Variants in ATP6V0D2 observed in about 807,000 individuals in gnomAD.
The protein encoded by ATP6V0D2 is V-type proton ATPase subunit d 2.
A neutral mutation model predicts 40.0 loss-of-function variants in ATP6V0D2; 40 were observed. That is an observed-to-expected ratio of 1.00 (90% CI 0.78 to 1.30). The LOEUF is 1.30. Among genes scored for constraint, ATP6V0D2 ranks in the 50% most tolerant of loss-of-function variants. The pLI, the probability that ATP6V0D2 is intolerant of heterozygous loss-of-function variation, is 0.00. For missense variants in ATP6V0D2, 470 were observed against 423.1 expected (o/e 1.11, Z -0.97); for synonymous variants, 179 against 156.3 (o/e 1.15, Z -1.08).
intron 1 of ATP6V0D2, among the ~76,000 whole-genome samples, chr8:86,103,971 G>C (rs60178903): frequency 6.6e-6 from 1 of 151,866 alleles, no homozygotes; most frequent in African/African-American, 2.4e-5. Flanking sequence ...GACTACAGGC[G>C]TGCACCACCA....
At position 86,113,855 on chromosome 8, in the gene ATP6V0D2, C is replaced by G. The variant is rs1225025421; in HGVS notation, c.277C>G (p.Leu93Val). The G allele has an allele frequency of 1.2e-6, 2 of 1,613,666 alleles. No homozygotes were observed. The highest frequency in any genetic ancestry group is 1.7e-6 in the Non-Finnish European group (2 of 1,179,828). Residue 93 changes from leucine (L) to valine (V), a missense_variant, in exon 2 of 8, where the codon CTC (leucine) becomes GTC (valine). By Grantham distance (32) the Leu-to-Val change is conservative (BLOSUM62 1). Transcript: ENST00000285393. ...TTTCCGGAATCATTCCCTGGAGCCC[C>G]TCAGCACATTTCTCACCTATATGAC... is the stretch of plus-strand genomic sequence containing the variant. ...EYFRNHSLEP[L>V]STFLTYMTCS... is the part of the protein sequence containing the mutation.
intron 2 of ATP6V0D2, among the ~76,000 whole-genome samples, chr8:86,135,294 G>A (rs1300071778): frequency 6.6e-6 from 1 of 152,200 alleles, no homozygotes; most frequent in Non-Finnish European, 1.5e-5. Flanking sequence ...GAATGTGGTA[G>A]TTATCATACA....
At chr8:86,138,919 A>C (rs1293367741) in intron 2 of ATP6V0D2, among the ~76,000 whole-genome samples, 2 of 152,188 alleles carry the variant, frequency 1.3e-5, no homozygotes, top group Admixed American at 6.5e-5. Flanking sequence ...AGTTGTTAGA[A>C]TATTGAATAT....
intron 5 of ATP6V0D2, among the ~76,000 whole-genome samples, chr8:86,145,349 AGAAGGAAG>A (rs376086337): frequency 0.01 from 845 of 83,930 alleles, 38 homozygotes; most frequent in African/African-American, 0.042. Flanking sequence ...AAAGAAGGAA[AGAAGGAAG>A]GAAGGAAGGA....
At position 86,099,802 on chromosome 8, in the gene ATP6V0D2, T is replaced by C. The variant is rs142622035; in HGVS notation, c.130+694T>C. On this transcript the variant is annotated intron_variant, in intron 1 of 7. Coordinates refer to ENST00000285393, the MANE Select transcript of ATP6V0D2 (RefSeq NM_152565.1). ...AGCCATCATGCCTGCCAGATTCTTA[T>C]ACATTTTAAAGACATTTTGACAACT... Among the ~76,000 whole-genome samples the C allele has an allele frequency of 2.2e-3, 339 of 152,330 alleles. 7 individuals carry two copies. The East Asian group carries it at 0.042, about 19-fold the overall frequency.
At chr8:86,106,120 T>A (rs534271052) in intron 1 of ATP6V0D2, among the ~76,000 whole-genome samples, 39 of 152,144 alleles carry the variant, frequency 2.6e-4, no homozygotes, top group African/African-American at 3.9e-4. Flanking sequence ...GCTTTTTTTT[T>A]TTATTTTTAT....
chr8:86,116,266 T>A (rs1286844970), intron 2 of ATP6V0D2, among the ~76,000 whole-genome samples: 2 of 152,224 alleles, frequency 1.3e-5, no homozygotes, highest in African/African-American at 4.8e-5. Context: ...TGTCTATTGC[T>A]ACACACTCTC....
In ATP6V0D2 at chr8:86,126,675, A is replaced by G. The variant is rs551219870; in HGVS notation, c.303-12782A>G. ...GATAAATATAAATACAGAAATTTAG[A>G]AAGAAAAAAGATATCACCTCTAGCT... is the stretch of plus-strand genomic sequence containing the variant. On this transcript the variant is annotated intron_variant, in intron 2 of 7. Transcript: ENST00000285393. 5.9e-5 allele frequency among the ~76,000 whole-genome samples: 9 copies of G among 152,288 alleles called. No homozygotes were observed. In the South Asian group the frequency reaches 1.5e-3, roughly 25 times the overall value.
intron 2 of ATP6V0D2, among the ~76,000 whole-genome samples, chr8:86,137,563 G>A (rs1258391359): frequency 6.6e-6 from 1 of 152,078 alleles, no homozygotes; most frequent in Admixed American, 6.6e-5. Context: ...ACACTTCTTA[G>A]GCTTACTTGA....
chr8:86,147,367 A>G (rs187133426), intron 5 of ATP6V0D2, among the ~76,000 whole-genome samples: 209 of 152,290 alleles, frequency 1.4e-3, no homozygotes, highest in Non-Finnish European at 1.2e-3. Context: ...AACAAAAAAA[A>G]TAAGGTCTAG....
At chr8:86,103,823 T>C (rs1340463552) in intron 1 of ATP6V0D2, among the ~76,000 whole-genome samples, 2 of 152,068 alleles carry the variant, frequency 1.3e-5, no homozygotes, top group Non-Finnish European at 2.9e-5. Flanking sequence ...TTATGTGGCA[T>C]AGTTTTTTGT....
rs576035575 is a variant in ATP6V0D2 at position 86,104,066 on chromosome 8, G to A, written c.130+4958G>A. Among the ~76,000 whole-genome samples, 3 of 152,084 alleles carry A rather than the reference G, an allele frequency of 2.0e-5. No individual in the cohort carries two copies. In the South Asian group the frequency reaches 6.2e-4, roughly 32 times the overall value. On this transcript the variant is annotated intron_variant, in intron 1 of 7. Coordinates refer to ENST00000285393, the MANE Select transcript of ATP6V0D2 (RefSeq NM_152565.1). ...AGGTCTCAAACTCCTAACCTCAAGT[G>A]ATCCACCCACCTCAGCCTCCCAAAG...
chr8:86,102,263 C>T (rs1173641537), intron 1 of ATP6V0D2, among the ~76,000 whole-genome samples: 4 of 152,178 alleles, frequency 2.6e-5, no homozygotes, highest in African/African-American at 9.7e-5. Flanking sequence ...AGCAGTTCAA[C>T]TGTTGCATCT....
intron 1 of ATP6V0D2, among the ~76,000 whole-genome samples, chr8:86,103,639 G>T (rs887858646): frequency 6.6e-5 from 10 of 152,018 alleles, no homozygotes; most frequent in African/African-American, 2.2e-4. Context: ...TAGAGTCCCT[G>T]CCCTAAAAAG....
rs768874249 is a variant in ATP6V0D2, at chr8:86,121,838, G to A, written c.302+7958G>A. Among the ~76,000 whole-genome samples the A allele has an allele frequency of 4.9e-4, 74 of 152,182 alleles. 1 individual carries two copies. Among genetic ancestry groups the A allele is most frequent in the Admixed American group, 3.3e-3 (51 of 15,272 alleles). ...ATGCCCGAGACAACGTTATACAAAT[G>A]ATTAAATCTGTTTTATTAGAGACAG... is the stretch of plus-strand genomic sequence containing the variant. On this transcript the variant is annotated intron_variant, in intron 2 of 7. Transcript: ENST00000285393.
chr8:86,120,210 AC>A (rs1818650610), intron 2 of ATP6V0D2, among the ~76,000 whole-genome samples: 3 of 152,142 alleles, frequency 2.0e-5, no homozygotes, highest in Non-Finnish European at 4.4e-5. Context: ...AGCCTGGTGA[AC>A]ATAGTGACAC....
intron 2 of ATP6V0D2, among the ~76,000 whole-genome samples, chr8:86,123,178 T>G (rs75982262): frequency 0.012 from 1,789 of 152,290 alleles, 17 homozygotes; most frequent in Middle Eastern, 0.017. Flanking sequence ...GGAGAGTACC[T>G]GTTCTTAGGA....
rs1315590263 is a variant in ATP6V0D2, at chr8:86,141,533, A to G, written c.561+4A>G. ...GCTACGCAATAAACTATACAAGGTA[A>G]TGGTTTTCCCAAATATTGTCTTTTT... On this transcript the variant is annotated splice_donor_region_variant and intron_variant, in intron 4 of 7. Transcript: ENST00000285393. 2 of 1,576,192 alleles carry G rather than the reference A, an allele frequency of 1.3e-6. No individual in the cohort carries two copies. Among genetic ancestry groups the G allele is most frequent in the African/African-American group, 1.4e-5 (1 of 74,006 alleles).
At chr8:86,136,006 G>C (rs1022855663) in intron 2 of ATP6V0D2, among the ~76,000 whole-genome samples, 1 of 152,060 alleles carries the variant, frequency 6.6e-6, no homozygotes, top group Non-Finnish European at 1.5e-5. Flanking sequence ...TATATACCTG[G>C]TACCTATGTG....
Sources: gnomAD v4.1 joint callset for allele counts (sites outside exome capture counted in the v4.1 genomes callset) on GRCh38, gnomAD v4.1.1 for gene constraint, MANE v1.5 for transcripts, NCBI Gene and HGNC (gene_info 2026-07-23, HGNC 2026-07-21) for gene names.